Variants in RBFOX1 observed in about 807,000 individuals in gnomAD.
The protein encoded by RBFOX1 is RNA binding protein fox-1 homolog 1.
Under a neutral mutation model 57.7 loss-of-function variants are expected in RBFOX1, and 8 were observed. The ratio of observed to expected loss-of-function variants is 0.14; its 90% CI spans 0.08 to 0.25. The LOEUF is 0.25. Ranked by LOEUF, RBFOX1 falls within the 10% of genes least tolerant of loss-of-function variation. The pLI is 1.00. For missense variants in RBFOX1, 611 were observed against 548.5 expected (o/e 1.11, Z -1.14); for synonymous variants, 326 against 222.4 (o/e 1.47, Z -4.15).
intron 2 of RBFOX1, among the ~76,000 whole-genome samples, chr16:5,486,552 C>G (rs572330296): frequency 6.6e-6 from 1 of 152,312 alleles, no homozygotes; most frequent in East Asian, 1.9e-4. Flanking sequence ...TCTCCACCTG[C>G]CAGTTACTTG....
intron 4 of RBFOX1, among the ~76,000 whole-genome samples, chr16:7,439,004 G>A (rs1377564909): frequency 5.9e-5 from 9 of 152,184 alleles, no homozygotes; most frequent in Admixed American, 3.3e-4. Flanking sequence ...AGGGCAGGTC[G>A]CGCTGTGGTG....
chr16:7,629,982 T>G (rs373411277), intron 10 of RBFOX1, among the ~76,000 whole-genome samples: 1 of 152,204 alleles, frequency 6.6e-6, no homozygotes, highest in African/African-American at 2.4e-5. Context: ...TTTTTCTTTC[T>G]CCGCCTTACT....
intron 5 of RBFOX1, among the ~76,000 whole-genome samples, chr16:7,579,020 ATGGAAACGTTCTGTATT>A (rs2093549888): frequency 6.6e-6 from 1 of 152,230 alleles, no homozygotes; most frequent in South Asian, 2.1e-4. Context: ...TTCTGCAGAG[ATGGAAACGTTCTGTATT>A]TGCATTATTC....
intron 2 of RBFOX1, among the ~76,000 whole-genome samples, chr16:6,636,449 C>T (rs1457772959): frequency 6.6e-6 from 1 of 152,046 alleles, no homozygotes; most frequent in African/African-American, 2.4e-5. Context: ...GGATTACAGG[C>T]GTGAGCCACC....
At chr16:6,595,459 G>A (rs938320729) in intron 2 of RBFOX1, among the ~76,000 whole-genome samples, 13 of 152,086 alleles carry the variant, frequency 8.5e-5, no homozygotes, top group Non-Finnish European at 1.5e-4. Flanking sequence ...CCATTCATTG[G>A]TTGTCAAACA....
intron 3 of RBFOX1, among the ~76,000 whole-genome samples, chr16:6,807,399 G>T (rs2087118705): frequency 6.6e-6 from 1 of 152,154 alleles, no homozygotes; most frequent in Non-Finnish European, 1.5e-5. Context: ...TTTAGGGTTG[G>T]TTGACTGAAT....
intron 4 of RBFOX1, among the ~76,000 whole-genome samples, chr16:7,240,385 C>G (rs1231804539): frequency 1.3e-5 from 2 of 152,086 alleles, no homozygotes; most frequent in African/African-American, 4.8e-5. Flanking sequence ...TGTATATCAC[C>G]ATCTGTGATC....
chr16:5,682,350 T>C (rs1478240718), intron 3 of RBFOX1, among the ~76,000 whole-genome samples: 3 of 152,174 alleles, frequency 2.0e-5, no homozygotes, highest in African/African-American at 7.2e-5. Flanking sequence ...TGAAACCTAG[T>C]ATTTAATATA....
Position 5,447,324 on chromosome 16 carries a change from A to T in RBFOX1, c.220-19892A>T, listed in dbSNP as rs553722375. Among the ~76,000 whole-genome samples the T allele has an allele frequency of 2.0e-5, 3 of 149,944 alleles. No individual in the cohort carries two copies. The South Asian group carries it at 6.3e-4, about 32-fold the overall frequency. On this transcript the variant is annotated intron_variant, in intron 1 of 2. Coordinates refer to the RBFOX1 transcript ENST00000585867. ...CTGTGTGACTTTAAACCTATTACTT[A>T]CCTTCTCTGAGCCATTCCCTGTCTC...
intron 3 of RBFOX1, among the ~76,000 whole-genome samples, chr16:5,827,941 C>G (rs1168108616): frequency 1.6e-5 from 2 of 127,706 alleles, no homozygotes; most frequent in Non-Finnish European, 3.3e-5. Flanking sequence ...ACCCATCCAC[C>G]CACCCACCCA....
At chr16:6,478,429 A>ATATATATATTTTTTTTTT (rs1159954387) in intron 2 of RBFOX1, among the ~76,000 whole-genome samples, 1 of 24,608 alleles carries the variant, frequency 4.1e-5, no homozygotes, top group Non-Finnish European at 7.8e-5. Flanking sequence ...ATATATATAT[A>ATATATATATTTTTTTTTT]TTTTTTTTTT....
At chr16:7,542,915 C>G (rs1405879894) in intron 5 of RBFOX1, among the ~76,000 whole-genome samples, 1 of 151,958 alleles carries the variant, frequency 6.6e-6, no homozygotes, top group African/African-American at 2.4e-5. Context: ...CCTAAAAACA[C>G]CACCACCACC....
At chr16:6,586,922 A>C (rs1437293058) in intron 2 of RBFOX1, among the ~76,000 whole-genome samples, 2 of 152,212 alleles carry the variant, frequency 1.3e-5, no homozygotes, top group Non-Finnish European at 2.9e-5. Context: ...TATGTAAAAC[A>C]GGATGTTTTG....
intron 4 of RBFOX1, among the ~76,000 whole-genome samples, chr16:7,201,851 T>C (rs1220282392): frequency 6.6e-6 from 1 of 152,170 alleles, no homozygotes; most frequent in Non-Finnish European, 1.5e-5. Flanking sequence ...GGGCAGTGAC[T>C]GTAGACTGTA....
intron 14 of RBFOX1, among the ~76,000 whole-genome samples, chr16:7,678,503 A>C (rs1324945116): frequency 6.6e-6 from 1 of 152,172 alleles, no homozygotes; most frequent in African/African-American, 2.4e-5. Flanking sequence ...TAAATTCTCA[A>C]ACACCCACTT....
intron 2 of RBFOX1, among the ~76,000 whole-genome samples, chr16:6,637,542 A>T (rs868163291): frequency 8.7e-6 from 1 of 114,428 alleles, no homozygotes; most frequent in Non-Finnish European, 1.7e-5. Flanking sequence ...TAGTATATAC[A>T]ATCTGCATAG....
Position 7,627,726 on chromosome 16 carries a change from A to G in RBFOX1, c.677-2877A>G, listed in dbSNP as rs551728165. The stretch of plus-strand genomic sequence containing the variant: ...GCCCAAAAAAATGCATGGAGGTTGC[A>G]GTGTTCTCTGCTGCTTTGGTTTTGT... On this transcript the variant is annotated intron_variant, in intron 10 of 15. Transcript: ENST00000550418. Among the ~76,000 whole-genome samples the G allele has an allele frequency of 4.6e-4, 70 of 152,316 alleles. 1 individual carries two copies. The South Asian group carries it at 0.014, about 31-fold the overall frequency.
intron 2 of RBFOX1, among the ~76,000 whole-genome samples, chr16:6,454,566 G>T (rs1315761604): frequency 6.6e-6 from 1 of 151,838 alleles, no homozygotes; most frequent in Admixed American, 6.6e-5. Context: ...TCAAAAACAA[G>T]GAAACAAAAA....
chr16:6,911,748 T>A (rs1286159888), intron 3 of RBFOX1, among the ~76,000 whole-genome samples: 1 of 152,212 alleles, frequency 6.6e-6, no homozygotes, highest in East Asian at 1.9e-4. Context: ...TATTTTACCA[T>A]GCATACCTAC....
Sources: allele counts gnomAD v4.1 joint callset (sites outside exome capture counted in the v4.1 genomes callset), GRCh38; gene constraint gnomAD v4.1.1; transcripts MANE v1.5; gene names NCBI Gene and HGNC (gene_info 2026-07-23, HGNC 2026-07-21).